PIK3C2G: variants seen among roughly 807,000 people sequenced by gnomAD.
PIK3C2G encodes phosphatidylinositol 3-kinase C2 domain-containing subunit gamma.
Under a neutral mutation model 181.1 loss-of-function variants are expected in PIK3C2G, and 168 were observed. The ratio of observed to expected loss-of-function variants is 0.93; its 90% CI spans 0.82 to 1.05. The LOEUF (loss-of-function observed/expected upper bound fraction) is 1.05, where lower values mean the gene tolerates loss of function less well. PIK3C2G is among the 50% of genes least tolerant of loss of function. The pLI is 0.00. For synonymous variants in PIK3C2G, 573 were observed against 592.2 expected (o/e 0.97, Z 0.47); for missense variants, 1,869 against 1,732.8 (o/e 1.08, Z -1.40).
chr12:18,560,429 A>T (rs1945287742), intron 26 of PIK3C2G, among the ~76,000 whole-genome samples: 1 of 152,142 alleles, frequency 6.6e-6, no homozygotes, highest in Non-Finnish European at 1.5e-5. Context: ...GTGAAGGAAC[A>T]ACATAGACCA....
chr12:18,488,723 T>C, intron 19 of PIK3C2G, 94 bp downstream of exon 19: 1 of 713,994 alleles, frequency 1.4e-6, no homozygotes, highest in Non-Finnish European at 2.0e-6. Context: ...ATTCCTTGAT[T>C]ACACTTAAAT....
chr12:18,567,778 G>A (rs556073924), intron 29 of PIK3C2G, among the ~76,000 whole-genome samples: 1 of 152,194 alleles, frequency 6.6e-6, no homozygotes, highest in Admixed American at 6.5e-5. Context: ...TGAATATGTT[G>A]CTGCTGTGAC....
intron 18 of PIK3C2G, among the ~76,000 whole-genome samples, chr12:18,462,911 T>A (rs1435962264): frequency 6.6e-6 from 1 of 151,306 alleles, no homozygotes; most frequent in Non-Finnish European, 1.5e-5. Flanking sequence ...TTCTTTTCAA[T>A]GGTTTGCAAA....
chr12:18,717,927 G>C, the PIK3C2G span, among the ~76,000 whole-genome samples: 1 of 152,240 alleles, frequency 6.6e-6, no homozygotes, highest in South Asian at 2.1e-4. Flanking sequence ...CTAGCAATAT[G>C]CTGTATGAGA....
chr12:18,268,490 C>T (rs1005493134), intron 1 of PIK3C2G, among the ~76,000 whole-genome samples: 2 of 152,084 alleles, frequency 1.3e-5, no homozygotes, highest in African/African-American at 4.8e-5. Flanking sequence ...TAATTTGTAA[C>T]CTTTTTCAAG....
intron 18 of PIK3C2G, among the ~76,000 whole-genome samples, chr12:18,467,035 T>C (rs943028858): frequency 3.9e-5 from 6 of 152,084 alleles, no homozygotes; most frequent in African/African-American, 1.4e-4. Context: ...TTGAGTTCAC[T>C]TTTGGAATTT....
chr12:18,282,202 G>T lies in PIK3C2G; in HGVS notation c.121G>T (p.Asp41Tyr). The T allele has an allele frequency of 1.2e-6, 2 of 1,613,320 alleles. No homozygotes were observed. Among genetic ancestry groups the T allele is most frequent in the East Asian group, 4.5e-5 (2 of 44,832 alleles). The part of the protein sequence containing the change: ...HSSSQVSLGF[D>Y]QIVDEISGKI... ...TTCTAGCCAAGTCAGTCTGGGTTTT[G>T]ATCAGATAGTAGATGAGATCAGTGG... The change falls in exon 2 of 33, where the codon GAT (aspartate) becomes TAT (tyrosine). Residue 41 changes from aspartate (D) to tyrosine (Y), a missense_variant. Asp to Tyr is a radical substitution (Grantham distance 160, BLOSUM62 -3). Transcript: ENST00000538779.
At chr12:18,433,238 G>A (rs954357389) in intron 18 of PIK3C2G, among the ~76,000 whole-genome samples, 6 of 152,206 alleles carry the variant, frequency 3.9e-5, no homozygotes, top group South Asian at 2.1e-4. Context: ...AATGTGTCCC[G>A]GCGTGGTGGC....
At chr12:18,427,421 T>G (rs1034027438) in intron 18 of PIK3C2G, among the ~76,000 whole-genome samples, 3 of 149,442 alleles carry the variant, frequency 2.0e-5, no homozygotes, top group African/African-American at 7.4e-5. Context: ...GCAGGAGAAT[T>G]GCTGGAACCC....
chr12:18,458,853 TAA>T (rs1363276649), intron 18 of PIK3C2G, among the ~76,000 whole-genome samples: 69 of 133,944 alleles, frequency 5.2e-4, no homozygotes, highest in Middle Eastern at 3.8e-3. Flanking sequence ...ACAGCCAGTT[TAA>T]AAAAAAAAAA....
intron 8 of PIK3C2G, among the ~76,000 whole-genome samples, chr12:18,328,494 T>A (rs1390452522): frequency 6.6e-6 from 1 of 151,986 alleles, no homozygotes; most frequent in African/African-American, 2.4e-5. Flanking sequence ...ATTGTTAGAC[T>A]TTCAGAAGTT....
the PIK3C2G span, among the ~76,000 whole-genome samples, chr12:18,691,212 C>T: frequency 3.6e-4 from 54 of 152,104 alleles, no homozygotes; most frequent in African/African-American, 1.3e-3. Context: ...AGAATGGTTC[C>T]CAATTTTCTA....
intron 29 of PIK3C2G, among the ~76,000 whole-genome samples, chr12:18,570,594 C>A (rs747943172): frequency 2.0e-5 from 3 of 150,136 alleles, no homozygotes; most frequent in African/African-American, 5.0e-5. Flanking sequence ...GGACCAAAGC[C>A]TTTATTGCAG....
At chr12:18,371,618 T>C (rs1227798678) in intron 13 of PIK3C2G, among the ~76,000 whole-genome samples, 1 of 152,182 alleles carries the variant, frequency 6.6e-6, no homozygotes, top group African/African-American at 2.4e-5. Flanking sequence ...TAATTCAAAA[T>C]GATTTGGATT....
intron 26 of PIK3C2G, among the ~76,000 whole-genome samples, chr12:18,557,592 T>C (rs1048283491): frequency 6.6e-5 from 10 of 152,156 alleles, no homozygotes; most frequent in Non-Finnish European, 1.3e-4. Context: ...CCAAAAATGG[T>C]TGCTATCACC....
At chr12:18,292,811 A>T (rs1377323922) in intron 4 of PIK3C2G, among the ~76,000 whole-genome samples, 1 of 152,204 alleles carries the variant, frequency 6.6e-6, no homozygotes, top group Non-Finnish European at 1.5e-5. Context: ...GGAAAGGAAG[A>T]AGAACCAACG....
chr12:18,327,909 A>G (rs1319035596), intron 8 of PIK3C2G, among the ~76,000 whole-genome samples: 1 of 151,958 alleles, frequency 6.6e-6, no homozygotes, highest in Non-Finnish European at 1.5e-5. Flanking sequence ...AATATACACA[A>G]TGGTGTCTAT....
chr12:18,399,944 TG>T, intron 16 of PIK3C2G, 97 bp downstream of exon 16: 1 of 627,678 alleles, frequency 1.6e-6, no homozygotes. Flanking sequence ...CTATTCTGTT[TG>T]TTCTCAATTT....
chr12:18,340,377 G>A (rs112727917), intron 9 of PIK3C2G, among the ~76,000 whole-genome samples: 1,716 of 152,220 alleles, frequency 0.011, 32 homozygotes, highest in African/African-American at 0.04. Context: ...GGCCACATGT[G>A]GCCCACAGGC....
Sources: allele counts gnomAD v4.1 joint callset (sites outside exome capture counted in the v4.1 genomes callset), GRCh38; gene constraint gnomAD v4.1.1; transcripts MANE v1.5; gene names NCBI Gene and HGNC (gene_info 2026-07-23, HGNC 2026-07-21).